The following NPHP4 variants were observed in gnomAD, a reference collection of about 807,000 sequenced individuals.
NPHP4 encodes the protein nephrocystin 4.
NPHP4 carries 151 observed loss-of-function variants against 155.8 expected under a neutral mutation model. That is an observed-to-expected ratio of 0.97 (90% CI 0.85 to 1.11). The LOEUF (loss-of-function observed/expected upper bound fraction) is 1.11. Among genes scored for constraint, NPHP4 ranks in the 50% least tolerant of loss-of-function variants. The pLI, the probability that NPHP4 is intolerant of heterozygous loss-of-function variation, is 0.00. For synonymous variants in NPHP4, 845 were observed against 816.8 expected, an observed-to-expected ratio of 1.03 and a Z score of -0.59; for missense variants, 1,956 against 1,925.7, an observed-to-expected ratio of 1.02 and a Z score of -0.29.
Position 5,863,193 on chromosome 1 carries a change from C to A in NPHP4, c.*72G>T. 6.5e-7 allele frequency: 1 copy of A among 1,530,884 alleles called. No homozygotes were observed. Among genetic ancestry groups the A allele is most frequent in the Non-Finnish European group, 9.0e-7 (1 of 1,112,854 alleles). 94.8% of individuals were successfully genotyped at this position (1,530,884 alleles called of 1,614,324 possible). On this transcript the variant is annotated 3_prime_UTR_variant, in exon 30 of 30. Transcript: ENST00000378156. ...AAAGGCTGCAGAGAGGCGGGGAGGA[C>A]AGCCTGCAGGGCAGGAGGGGCACAG... is the stretch of plus-strand genomic sequence containing the variant.
intron 6 of NPHP4, among the ~76,000 whole-genome samples, chr1:5,958,420 C>T (rs1328276550): frequency 1.3e-5 from 2 of 152,124 alleles, no homozygotes; most frequent in Admixed American, 6.6e-5. Flanking sequence ...GGAGGCCAGG[C>T]GCCATGGCTC....
intron 5 of NPHP4, among the ~76,000 whole-genome samples, chr1:5,965,911 T>C (rs1341774128): frequency 6.6e-6 from 1 of 152,194 alleles, no homozygotes; most frequent in Non-Finnish European, 1.5e-5. Context: ...TTGAACACTG[T>C]GTCCCATGAA....
intron 23 of NPHP4, among the ~76,000 whole-genome samples, chr1:5,868,792 GCACACATA>G (rs1641585814): frequency 2.0e-5 from 2 of 98,056 alleles, no homozygotes; most frequent in African/African-American, 4.2e-5. Context: ...CGCACACAAT[GCACACATA>G]CATGCACACA....
intron 7 of NPHP4, among the ~76,000 whole-genome samples, chr1:5,948,640 C>G (rs922775586): frequency 3.9e-5 from 6 of 152,128 alleles, no homozygotes; most frequent in Admixed American, 3.9e-4. Context: ...CCAGAGCCCC[C>G]CTTTCCCAGA....
At chr1:5,928,024 C>T (rs889372507) in intron 10 of NPHP4, among the ~76,000 whole-genome samples, 1 of 152,182 alleles carries the variant, frequency 6.6e-6, no homozygotes, top group Non-Finnish European at 1.5e-5. Flanking sequence ...AAGCAGAAAT[C>T]GCAATCTCTC....
At chr1:5,909,409 T>C (rs944964501) in intron 11 of NPHP4, among the ~76,000 whole-genome samples, 196 bp from the exon 12 acceptor site, 1 of 152,150 alleles carries the variant, frequency 6.6e-6, no homozygotes, top group Non-Finnish European at 1.5e-5. Context: ...TCTAGAGCCC[T>C]GGCATGCACC....
chr1:5,955,075 C>A (rs1023964594), intron 6 of NPHP4, among the ~76,000 whole-genome samples: 2 of 151,260 alleles, frequency 1.3e-5, no homozygotes, highest in Non-Finnish European at 2.9e-5. Flanking sequence ...GGCAAAAGGC[C>A]TTAACAGACA....
chr1:5,923,294 T>G (rs2101614639), intron 11 of NPHP4, among the ~76,000 whole-genome samples: 2 of 152,358 alleles, frequency 1.3e-5, no homozygotes, highest in Middle Eastern at 6.8e-3. Flanking sequence ...ATACATTTTC[T>G]TTTAAACACA....
chr1:5,863,641 C>A, intron 29 of NPHP4: 1 of 620,186 alleles, frequency 1.6e-6, no homozygotes, highest in Non-Finnish European at 2.8e-6. Context: ...CGAGACTGAG[C>A]TGTCTAACAT....
intron 17 of NPHP4, chr1:5,888,541 G>A (rs377401056): frequency 2.2e-5 from 29 of 1,347,324 alleles, no homozygotes; most frequent in Middle Eastern, 2.1e-4. Context: ...CACTGCATAC[G>A]ATCACTGCAT....
chr1:5,969,381 C>A, intron 3 of NPHP4, 122 bp from the exon 4 acceptor site: 1 of 549,670 alleles, frequency 1.8e-6, no homozygotes, highest in South Asian at 3.4e-5. Context: ...AACCCTCTAC[C>A]ATGCCCTCAT....
intron 23 of NPHP4, among the ~76,000 whole-genome samples, chr1:5,868,825 T>TGCACACACGCACCCACACAC (rs1641597745): frequency 1.2e-5 from 1 of 85,184 alleles, no homozygotes; most frequent in East Asian, 4.0e-4. Flanking sequence ...CACCCACACA[T>TGCACACACGCACCCACACAC]GCACACACGC....
intron 16 of NPHP4, among the ~76,000 whole-genome samples, chr1:5,894,624 T>C (rs1323288450): frequency 1.3e-5 from 2 of 152,042 alleles, no homozygotes; most frequent in Admixed American, 6.6e-5. Context: ...GGAAAATTCA[T>C]AGCCTTGAAT....
chr1:5,955,802 G>T (rs1013238708), intron 6 of NPHP4, among the ~76,000 whole-genome samples: 4 of 152,186 alleles, frequency 2.6e-5, no homozygotes, highest in Admixed American at 2.6e-4. Context: ...AAATTCTGCT[G>T]TTCCTGCACA....
intron 2 of NPHP4, among the ~76,000 whole-genome samples, chr1:5,983,115 A>C (rs1389127133): frequency 3.9e-5 from 6 of 152,184 alleles, no homozygotes. Context: ...TATTCTTCAG[A>C]GCTTCCAAAT....
At position 5,867,134 on chromosome 1, in the gene NPHP4, CAA is replaced by C; in HGVS notation, c.3473-21_3473-20del. 1 of 1,586,868 alleles carries C rather than the reference CAA, an allele frequency of 6.3e-7. No individual in the cohort carries two copies. Among genetic ancestry groups the C allele is most frequent in the Non-Finnish European group, 8.6e-7 (1 of 1,161,214 alleles). On this transcript the variant is annotated intron_variant, in intron 24 of 29. Coordinates refer to ENST00000378156, the MANE Select transcript of NPHP4 (RefSeq NM_015102.5). The surrounding 1 kb of genome is among the most constrained non-coding windows in gnomAD (Gnocchi z 4.1). ...GGAGCACCTGGAGCAGGGGAAATGT[CAA>C]AAAGAGTCTTCTCCACAGCCCCAGC...
At chr1:5,935,862 G>A (rs1295292240) in intron 9 of NPHP4, among the ~76,000 whole-genome samples, 4 of 152,150 alleles carry the variant, frequency 2.6e-5, no homozygotes, top group Non-Finnish European at 5.9e-5. Flanking sequence ...GCGACAGAGT[G>A]AGACTCCATC....
At chr1:5,985,630 T>C (rs1029009473) in intron 2 of NPHP4, among the ~76,000 whole-genome samples, 3 of 152,238 alleles carry the variant, frequency 2.0e-5, no homozygotes, top group Non-Finnish European at 2.9e-5. Context: ...AAAGAAACCC[T>C]ACCCAGAGTC....
rs1645119092 is a variant in NPHP4 at position 5,910,373 on chromosome 1, C to A, written c.1442-1160G>T. ...CATCGGACTTCCAGGATAACCCAGACCTCCGGAGAAATCAGGCTTCCCCCA... is the reference window on the plus strand; with the variant it reads ...CATCGGACTTCCAGGATAACCCAGAACTCCGGAGAAATCAGGCTTCCCCCA... On this transcript the variant is annotated intron_variant, in intron 11 of 29. Transcript: ENST00000378156. The surrounding 1 kb of genome is among the most constrained non-coding windows in gnomAD (Gnocchi z 5.4). 6.6e-6 allele frequency among the ~76,000 whole-genome samples: 1 copy of A among 152,164 alleles called. No homozygotes were observed. The highest frequency in any genetic ancestry group is 2.4e-5 in the African/African-American group (1 of 41,424).
Sources: allele counts gnomAD v4.1 joint callset (sites outside exome capture counted in the v4.1 genomes callset), GRCh38; gene constraint gnomAD v4.1.1; non-coding constraint Gnocchi (gnomAD v3.1); transcripts MANE v1.5; gene names NCBI Gene and HGNC (gene_info 2026-07-23, HGNC 2026-07-21).